The following PTPRG variants were observed in gnomAD, a reference collection of about 807,000 sequenced individuals.
PTPRG encodes receptor-type tyrosine-protein phosphatase gamma.
A neutral mutation model predicts 165.3 loss-of-function variants in PTPRG; 102 were observed. The observed-to-expected ratio is 0.62, with a 90% CI of 0.53 to 0.73. The LOEUF (loss-of-function observed/expected upper bound fraction) is 0.73, where lower values mean the gene tolerates loss of function less well. Among genes scored for constraint, PTPRG ranks in the 30% least tolerant of loss-of-function variants. PTPRG has a pLI of 0.00. For missense variants in PTPRG, 1,866 were observed against 1,861.4 expected, an observed-to-expected ratio of 1.00 and a Z score of -0.05; for synonymous variants, 675 against 669.5, an observed-to-expected ratio of 1.01 and a Z score of -0.13.
At chr3:61,828,962 T>C (rs774549516) in intron 2 of PTPRG, among the ~76,000 whole-genome samples, 7 of 151,826 alleles carry the variant, frequency 4.6e-5, no homozygotes, top group Non-Finnish European at 1.0e-4. Flanking sequence ...CTAGAACAGA[T>C]GATTTCTCCA....
At chr3:62,239,762 TTG>T (rs1177532283) in intron 14 of PTPRG, among the ~76,000 whole-genome samples, 4 of 152,174 alleles carry the variant, frequency 2.6e-5, no homozygotes, top group Non-Finnish European at 1.5e-5. Context: ...GCATTAAAAC[TTG>T]TGTTTTTCTT....
intron 2 of PTPRG, among the ~76,000 whole-genome samples, chr3:61,914,027 T>G (rs1297027514): frequency 6.6e-6 from 1 of 152,214 alleles, no homozygotes; most frequent in African/African-American, 2.4e-5. Context: ...CCAGCCTAAT[T>G]GAGTATACTT....
At chr3:62,119,156 G>A (rs1309772088) in intron 5 of PTPRG, among the ~76,000 whole-genome samples, 1 of 152,192 alleles carries the variant, frequency 6.6e-6, no homozygotes, top group Non-Finnish European at 1.5e-5. Context: ...GCAGGAGAGA[G>A]GTTGTGTTAC....
intron 3 of PTPRG, among the ~76,000 whole-genome samples, chr3:61,998,096 T>C (rs2041081211): frequency 6.6e-6 from 1 of 152,268 alleles, no homozygotes; most frequent in Non-Finnish European, 1.5e-5. Flanking sequence ...ACATTTGCTT[T>C]AGCCTGTGTT....
intron 1 of PTPRG, among the ~76,000 whole-genome samples, chr3:61,684,559 C>G (rs1192919305): frequency 6.6e-6 from 1 of 152,132 alleles, no homozygotes. Context: ...ACAGGAGCTT[C>G]TAAGCCCAGT....
In PTPRG at chr3:62,213,354, C is replaced by T. The variant is rs367635323; in HGVS notation, c.2156-5497C>T. 1.3e-5 allele frequency among the ~76,000 whole-genome samples: 2 copies of T among 152,202 alleles called. No homozygotes were observed. The highest frequency in any genetic ancestry group is 4.8e-5 in the African/African-American group (2 of 41,454). On this transcript the variant is annotated intron_variant, in intron 12 of 29. Transcript: ENST00000474889. The surrounding 1 kb of genome is among the most constrained non-coding windows in gnomAD (Gnocchi z 4.4). ...GCTCAGAAGGGCCTATGCTTGCTTT[C>T]ATACTGTCTCATACTCTACTGTCAC...
At chr3:61,905,360 A>C (rs1327309740) in intron 2 of PTPRG, among the ~76,000 whole-genome samples, 1 of 152,016 alleles carries the variant, frequency 6.6e-6, no homozygotes, top group Non-Finnish European at 1.5e-5. Flanking sequence ...GTCACATTAG[A>C]ATCTGCTTTC....
At chr3:61,990,158 T>C (rs1482036940) in intron 3 of PTPRG, among the ~76,000 whole-genome samples, 1 of 152,144 alleles carries the variant, frequency 6.6e-6, no homozygotes, top group Admixed American at 6.5e-5. Flanking sequence ...ATTTAAGTTT[T>C]AATTAAAAAT....
intron 1 of PTPRG, among the ~76,000 whole-genome samples, chr3:61,594,102 A>G (rs1281042543): frequency 1.3e-5 from 2 of 152,318 alleles, no homozygotes; most frequent in East Asian, 3.9e-4. Flanking sequence ...ACTGTATACT[A>G]GGCATGGTTC....
chr3:61,885,904 G>T (rs2038023479), intron 2 of PTPRG, among the ~76,000 whole-genome samples: 1 of 150,398 alleles, frequency 6.6e-6, no homozygotes, highest in Admixed American at 6.6e-5. Flanking sequence ...GGGGTAGGTA[G>T]GGTAGATTCT....
At chr3:61,619,453 ATTTG>A (rs1701389681) in intron 1 of PTPRG, among the ~76,000 whole-genome samples, 1 of 152,140 alleles carries the variant, frequency 6.6e-6, no homozygotes, top group Non-Finnish European at 1.5e-5. Context: ...TGCTACTGGC[ATTTG>A]GTAGGTAGAG....
chr3:61,654,235 C>T (rs1294716522), intron 1 of PTPRG, among the ~76,000 whole-genome samples: 2 of 152,074 alleles, frequency 1.3e-5, no homozygotes, highest in Non-Finnish European at 2.9e-5. Flanking sequence ...CTGCCCGCCA[C>T]CCCCTGCACC....
chr3:62,228,035 C>A lies in PTPRG; in HGVS notation c.2289-3190C>A, dbSNP rs1161361782. On this transcript the variant is annotated intron_variant, in intron 13 of 29. Transcript: ENST00000474889. The surrounding 1 kb of genome is among the most constrained non-coding windows in gnomAD (Gnocchi z 4.1). Reference sequence around the variant, plus strand: ...CCCTTGCCAGTTTGCCAGTCTCTGCCCTCCCCGCTATTCCCTGCCTGTTTG... The same window carrying A: ...CCCTTGCCAGTTTGCCAGTCTCTGCACTCCCCGCTATTCCCTGCCTGTTTG... Among the ~76,000 whole-genome samples, 1 of 152,056 alleles carries A rather than the reference C, an allele frequency of 6.6e-6. No individual in the cohort carries two copies. The highest frequency in any genetic ancestry group is 6.5e-5 in the Admixed American group (1 of 15,272).
intron 1 of PTPRG, among the ~76,000 whole-genome samples, chr3:61,688,450 A>T (rs1399865562): frequency 1.3e-5 from 2 of 151,970 alleles, no homozygotes; most frequent in Non-Finnish European, 2.9e-5. Flanking sequence ...AGTCGCCTCC[A>T]TCTTTCCAGA....
At chr3:62,286,768 T>C (rs1702680090) in intron 28 of PTPRG, among the ~76,000 whole-genome samples, 1 of 152,100 alleles carries the variant, frequency 6.6e-6, no homozygotes, top group South Asian at 2.1e-4. Context: ...ACTACTGTCA[T>C]TTTACCTAGG....
intron 27 of PTPRG, 104 bp from the exon 28 acceptor site, chr3:62,282,623 G>A (rs1702496589): frequency 2.7e-6 from 3 of 1,122,302 alleles, no homozygotes; most frequent in Non-Finnish European, 3.7e-6. Flanking sequence ...ACATTGTTGA[G>A]AGTTACCTAT....
At chr3:61,948,410 C>A (rs780108416) in intron 2 of PTPRG, among the ~76,000 whole-genome samples, 64 of 152,250 alleles carry the variant, frequency 4.2e-4, no homozygotes, top group Non-Finnish European at 7.6e-4. Context: ...TTATTGAGCA[C>A]CTGCTATGGC....
intron 2 of PTPRG, among the ~76,000 whole-genome samples, chr3:61,897,689 A>G (rs1295973815): frequency 6.6e-6 from 1 of 152,118 alleles, no homozygotes; most frequent in African/African-American, 2.4e-5. Context: ...CATTTTTACT[A>G]CTTTGAGTCT....
intron 5 of PTPRG, among the ~76,000 whole-genome samples, chr3:62,103,499 C>T (rs1702364930): frequency 6.6e-6 from 1 of 152,224 alleles, no homozygotes; most frequent in Non-Finnish European, 1.5e-5. Flanking sequence ...TTTCCATAGT[C>T]TGAGATGTGC....
Sources: allele counts gnomAD v4.1 joint callset (sites outside exome capture counted in the v4.1 genomes callset), GRCh38; gene constraint gnomAD v4.1.1; non-coding constraint Gnocchi (gnomAD v3.1); transcripts MANE v1.5; gene names NCBI Gene and HGNC (gene_info 2026-07-23, HGNC 2026-07-21).